DEFB119: variants seen among roughly 807,000 people sequenced by gnomAD.
The protein encoded by DEFB119 is defensin beta 119.
A neutral mutation model predicts 2.5 loss-of-function variants in DEFB119; 3 were observed. The ratio of observed to expected loss-of-function variants is 1.19; its 90% CI spans 0.54 to 3.07. The LOEUF (loss-of-function observed/expected upper bound fraction) is 3.07, where lower values mean the gene tolerates loss of function less well. DEFB119 is among the 30% of genes most tolerant of loss of function. DEFB119 has a pLI of 0.03. For synonymous variants in DEFB119, 29 were observed against 33.7 expected (o/e 0.86, Z 0.48); for missense variants, 113 against 101.1 (o/e 1.12, Z -0.50).
At chr20:31,378,756 T>A (rs1175616713) in intron 1 of DEFB119, among the ~76,000 whole-genome samples, 1 of 152,190 alleles carries the variant, frequency 6.6e-6, no homozygotes, top group Non-Finnish European at 1.5e-5. Flanking sequence ...AAAGGAAATG[T>A]TTTTGAAAAT....
intron 1 of DEFB119, chr20:31,378,284 G>A (rs1260098851): frequency 3.7e-6 from 6 of 1,612,500 alleles, no homozygotes; most frequent in Non-Finnish European, 5.1e-6. Flanking sequence ...GCCACACGGG[G>A]AACAGAACAT....
intron 1 of DEFB119, chr20:31,389,352 T>C: frequency 7.9e-7 from 1 of 1,267,252 alleles, no homozygotes; most frequent in Non-Finnish European, 1.1e-6. Flanking sequence ...GAGTGAGTAA[T>C]GCCAGACCCA....
chr20:31,388,885 ACTAGCTCTT>A, intron 1 of DEFB119: 1 of 1,457,730 alleles, frequency 6.9e-7, no homozygotes, highest in Non-Finnish European at 9.2e-7. Flanking sequence ...ACTTCTCTCG[ACTAGCTCTT>A]CACCTCCCCC....
chr20:31,388,531 C>A (rs1372710359), intron 1 of DEFB119, among the ~76,000 whole-genome samples: 2 of 152,152 alleles, frequency 1.3e-5, no homozygotes, highest in Non-Finnish European at 2.9e-5. Context: ...TATAAATAAG[C>A]AAATCATGTG....
intron 1 of DEFB119, among the ~76,000 whole-genome samples, chr20:31,377,805 C>T (rs1011938307): frequency 2.2e-4 from 34 of 152,154 alleles, no homozygotes; most frequent in Non-Finnish European, 4.1e-4. Flanking sequence ...AACCTGGAAA[C>T]ACAAACGAGT....
At chr20:31,388,911 C>A in intron 1 of DEFB119, 15 of 1,487,156 alleles carry the variant, frequency 1.0e-5, no homozygotes, top group Non-Finnish European at 1.4e-5. Flanking sequence ...CCCCTGCCAT[C>A]CCCCCACCCT....
chr20:31,385,374 C>CAAAAAA (rs539118665), intron 1 of DEFB119, among the ~76,000 whole-genome samples: 13 of 115,800 alleles, frequency 1.1e-4, no homozygotes, highest in Admixed American at 1.9e-4. Flanking sequence ...TAACAAAAGA[C>CAAAAAA]AAAAAAAAAA....
Position 31,377,265 on chromosome 20 carries a change from T to C in DEFB119, c.236A>G (p.Gln79Arg). Residue 79 changes from glutamine (Q) to arginine (R), a missense_variant, in exon 2 of 2, where the codon CAG (glutamine) becomes CGG (arginine). Gln to Arg is a conservative substitution (Grantham distance 43). Transcript: ENST00000376321. ...CAGCACTCAAGGTAGTCTTGGCCACTGCTTCTCATAAGACCAGTCGGTATT... is the reference window on the plus strand; with the variant it reads ...CAGCACTCAAGGTAGTCTTGGCCACCGCTTCTCATAAGACCAGTCGGTATT... ...EENTDWSYEK[Q>R]WPRLP 6.2e-7 allele frequency: 1 copy of C among 1,613,174 alleles called. No individual in the cohort carries two copies. The highest frequency in any genetic ancestry group is 1.1e-5 in the South Asian group (1 of 90,848).
Position 31,386,353 on chromosome 20 carries a change from C to T in DEFB119, c.61+4070G>A, listed in dbSNP as rs1986703742. 2.6e-5 allele frequency among the ~76,000 whole-genome samples: 4 copies of T among 152,092 alleles called. No individual in the cohort carries two copies. The South Asian group carries it at 6.2e-4, about 24-fold the overall frequency. ...AGTGTCCCAGCTCCCAGAGAAGCAG[C>T]AAAACTGTGAAAAGATTATGCAGCT... On this transcript the variant is annotated intron_variant, in intron 1 of 1. Coordinates refer to ENST00000376321, the MANE Select transcript of DEFB119 (RefSeq NM_153289.4).
At chr20:31,389,090 C>T in intron 1 of DEFB119, 5 of 1,614,076 alleles carry the variant, frequency 3.1e-6, no homozygotes, top group Non-Finnish European at 4.2e-6. Flanking sequence ...GTGGTCCAGC[C>T]AAGGATTCCA....
At chr20:31,390,371 G>A (rs1323694096) in intron 1 of DEFB119, 52 bp downstream of exon 1, 3 of 1,542,312 alleles carry the variant, frequency 1.9e-6, no homozygotes, top group Non-Finnish European at 2.7e-6. Context: ...GGAAGGGAAA[G>A]ACGGGAAGCC....
At chr20:31,390,292 T>C (rs1015111428) in intron 1 of DEFB119, 131 bp downstream of exon 1, 10 of 846,564 alleles carry the variant, frequency 1.2e-5, no homozygotes, top group African/African-American at 3.5e-5. Flanking sequence ...TAACTTGAGA[T>C]GATCCTGGGC....
rs139349270 is a variant in DEFB119, at chr20:31,386,572, T to G, written c.61+3851A>C. 3.1e-3 allele frequency among the ~76,000 whole-genome samples: 479 copies of G among 152,286 alleles called. 2 individuals are homozygous for G. Among genetic ancestry groups the G allele is most frequent in the African/African-American group, 0.011 (450 of 41,556 alleles). ...AAACCAGATACAGAAAGATAAATAT[T>G]ACTTGTTCTCACTCATATGTGGAAG... is the stretch of plus-strand genomic sequence containing the variant. On this transcript the variant is annotated intron_variant, in intron 1 of 1. Coordinates refer to ENST00000376321, the MANE Select transcript of DEFB119 (RefSeq NM_153289.4).
At chr20:31,377,495 G>T (rs2122282221) in intron 1 of DEFB119, 56 bp from the exon 2 acceptor site, 1 of 1,544,434 alleles carries the variant, frequency 6.5e-7, no homozygotes, top group Middle Eastern at 1.8e-4. Context: ...ACATAAATCT[G>T]ATAAGTCGGG....
intron 1 of DEFB119, among the ~76,000 whole-genome samples, chr20:31,386,232 G>A (rs1378987380): frequency 6.6e-6 from 1 of 152,156 alleles, no homozygotes; most frequent in African/African-American, 2.4e-5. Flanking sequence ...AGAGATTAAT[G>A]CAGAGAAAAC....
chr20:31,378,423 A>G (rs761391785), intron 1 of DEFB119: 10 of 1,612,024 alleles, frequency 6.2e-6, no homozygotes, highest in Non-Finnish European at 7.6e-6. Flanking sequence ...AACAAAGATC[A>G]TTGAAATATG....
At chr20:31,386,349 G>A (rs1986703576) in intron 1 of DEFB119, among the ~76,000 whole-genome samples, 1 of 152,184 alleles carries the variant, frequency 6.6e-6, no homozygotes, top group Non-Finnish European at 1.5e-5. Context: ...TCCCAGAGAA[G>A]CAGCAAAACT....
chr20:31,378,667 G>T (rs1190726453), intron 1 of DEFB119, among the ~76,000 whole-genome samples: 1 of 152,018 alleles, frequency 6.6e-6, no homozygotes, highest in Non-Finnish European at 1.5e-5. Context: ...GGGCCATTTT[G>T]GTTGTTTCCA....
In DEFB119 at chr20:31,377,303, A is replaced by G. The variant is rs567485409; in HGVS notation, c.198T>C (p.Ser66=). Reference sequence around the variant, plus strand: ...ACCAGTCGGTATTTTCCTCTTTGCCAGAAATGCTTATCCTCATGTAGGACT... The same window carrying G: ...ACCAGTCGGTATTTTCCTCTTTGCCGGAAATGCTTATCCTCATGTAGGACT... The part of the protein sequence containing the change: ...CLQSYMRISI[S]GKEENTDWSY... The change falls in exon 2 of 2, where the codon TCT becomes TCC. Residue 66 remains serine (S), a synonymous_variant. Coordinates refer to ENST00000376321, the MANE Select transcript of DEFB119 (RefSeq NM_153289.4). The G allele has an allele frequency of 6.2e-7, 1 of 1,614,118 alleles. No individual in the cohort carries two copies. Among genetic ancestry groups the G allele is most frequent in the Admixed American group, 1.7e-5 (1 of 60,022 alleles).
Sources: allele counts gnomAD v4.1 joint callset (sites outside exome capture counted in the v4.1 genomes callset), GRCh38; gene constraint gnomAD v4.1.1; transcripts MANE v1.5; gene names NCBI Gene and HGNC (gene_info 2026-07-23, HGNC 2026-07-21).